The following PTCSC3 variants were observed in gnomAD, a reference collection of about 807,000 sequenced individuals.
PTCSC3 encodes the protein papillary thyroid carcinoma susceptibility candidate 3.
intron 3 of PTCSC3, among the ~76,000 whole-genome samples, chr14:36,151,269 T>A (rs2139097607): frequency 6.6e-6 from 1 of 152,278 alleles, no homozygotes; most frequent in Non-Finnish European, 1.5e-5. Flanking sequence ...TGTTCCTCTG[T>A]AGGTAAGGTA....
intron 3 of PTCSC3, among the ~76,000 whole-genome samples, chr14:36,153,636 T>C (rs1225502573): frequency 6.6e-6 from 1 of 152,154 alleles, no homozygotes; most frequent in Non-Finnish European, 1.5e-5. Context: ...CAGAAACGCA[T>C]CTATATGTGC....
At chr14:36,152,182 A>G (rs906172013) in intron 3 of PTCSC3, among the ~76,000 whole-genome samples, 1 of 152,230 alleles carries the variant, frequency 6.6e-6, no homozygotes, top group Admixed American at 6.5e-5. Context: ...TTACATACAA[A>G]TATATCTTCA....
chr14:36,138,244 A>G (rs10131700), intron 3 of PTCSC3, among the ~76,000 whole-genome samples: 1,586 of 152,334 alleles, frequency 0.01, 13 homozygotes, highest in Non-Finnish European at 0.017. Context: ...AGACCTAAGC[A>G]TCAGATCTGA....
chr14:36,155,130 A>C (rs1471325035), intron 2 of PTCSC3, among the ~76,000 whole-genome samples: 2 of 152,140 alleles, frequency 1.3e-5, no homozygotes, highest in East Asian at 3.9e-4. Context: ...TGAAGATTAA[A>C]TGGCCAAAGA....
chr14:36,165,319 C>G (rs960436400), intron 1 of PTCSC3: 4 of 152,130 alleles, frequency 2.6e-5, no homozygotes, highest in Admixed American at 1.3e-4. Context: ...CCCCATCAAG[C>G]CAAGCACAGC....
At chr14:36,166,372 C>G (rs1172964479) in intron 1 of PTCSC3, among the ~76,000 whole-genome samples, 3 of 152,182 alleles carry the variant, frequency 2.0e-5, no homozygotes, top group African/African-American at 4.8e-5. Context: ...TCAACTACGT[C>G]TGAATTTTTA....
chr14:36,145,386 T>C (rs1881537061), intron 3 of PTCSC3, among the ~76,000 whole-genome samples: 1 of 151,138 alleles, frequency 6.6e-6, no homozygotes, highest in East Asian at 1.9e-4. Context: ...GGTTTAGTCT[T>C]GGGAGAGTGT....
intron 3 of PTCSC3, among the ~76,000 whole-genome samples, chr14:36,149,446 T>C (rs915052454): frequency 6.6e-6 from 1 of 152,198 alleles, no homozygotes; most frequent in Non-Finnish European, 1.5e-5. Flanking sequence ...TAAGAATGTT[T>C]ATTCTGCTGT....
At chr14:36,146,972 A>G (rs1881589833) in intron 3 of PTCSC3, among the ~76,000 whole-genome samples, 1 of 152,122 alleles carries the variant, frequency 6.6e-6, no homozygotes. Context: ...CTTTCCTTTA[A>G]GAATGTTGAA....
intron 3 of PTCSC3, among the ~76,000 whole-genome samples, chr14:36,152,280 C>CT (rs992704398): frequency 6.6e-6 from 1 of 151,548 alleles, no homozygotes; most frequent in African/African-American, 2.4e-5. Context: ...AAAAAAAAAA[C>CT]TTTTTTTCAT....
At chr14:36,171,844 A>G (rs549175947) in intron 1 of PTCSC3, among the ~76,000 whole-genome samples, 6 of 152,266 alleles carry the variant, frequency 3.9e-5, no homozygotes, top group Non-Finnish European at 8.8e-5. Flanking sequence ...AGCTCTTGAC[A>G]TAGATGACCA....
At chr14:36,156,948 C>A (rs538225317) in intron 2 of PTCSC3, among the ~76,000 whole-genome samples, 1 of 152,156 alleles carries the variant, frequency 6.6e-6, no homozygotes, top group African/African-American at 2.4e-5. Context: ...ATTGCTGGGT[C>A]AAATGGTATT....
intron 1 of PTCSC3, among the ~76,000 whole-genome samples, chr14:36,162,875 G>A (rs1881997736): frequency 6.6e-6 from 1 of 152,172 alleles, no homozygotes; most frequent in Non-Finnish European, 1.5e-5. Context: ...GTATTGACTT[G>A]AGACCACATG....
chr14:36,152,091 A>G (rs1195510781), intron 3 of PTCSC3, among the ~76,000 whole-genome samples: 3 of 151,384 alleles, frequency 2.0e-5, no homozygotes, highest in Admixed American at 1.3e-4. Flanking sequence ...AACTCTTTAC[A>G]TGTCAGAGTG....
intron 3 of PTCSC3, among the ~76,000 whole-genome samples, chr14:36,139,222 T>C (rs1594442755): frequency 6.6e-6 from 1 of 150,822 alleles, no homozygotes; most frequent in East Asian, 1.9e-4. Flanking sequence ...CTGAAAACAA[T>C]TGAAGGTAAT....
intron 1 of PTCSC3, among the ~76,000 whole-genome samples, chr14:36,165,722 CTTTTTT>C (rs71448056): frequency 8.0e-6 from 1 of 124,818 alleles, no homozygotes; most frequent in African/African-American, 2.9e-5. Context: ...TTTATTTTTC[CTTTTTT>C]TTTTTTTTTT....
chr14:36,143,120 G>A (rs1178124293), intron 3 of PTCSC3, among the ~76,000 whole-genome samples: 9 of 150,562 alleles, frequency 6.0e-5, no homozygotes, highest in East Asian at 3.9e-4. Context: ...ATAAACATAC[G>A]TGTGCATGTG....
intron 2 of PTCSC3, among the ~76,000 whole-genome samples, chr14:36,159,875 C>T (rs1312960508): frequency 6.6e-6 from 1 of 152,098 alleles, no homozygotes; most frequent in Non-Finnish European, 1.5e-5. Flanking sequence ...CTTTGTAGGT[C>T]TCTAAGGACT....
intron 2 of PTCSC3, among the ~76,000 whole-genome samples, chr14:36,157,656 C>A (rs1304803923): frequency 6.6e-6 from 1 of 151,676 alleles, no homozygotes. Context: ...GGAATCCTTT[C>A]CCCATTGCTT....
Sources: allele counts gnomAD v4.1 joint callset (sites outside exome capture counted in the v4.1 genomes callset), GRCh38; gene constraint gnomAD v4.1.1; transcripts MANE v1.5; gene names NCBI Gene and HGNC (gene_info 2026-07-23, HGNC 2026-07-21).